LAT2: variants seen among roughly 807,000 people sequenced by gnomAD.
LAT2 encodes the protein linker for activation of T cells family member 2.
Under a neutral mutation model 43.4 loss-of-function variants are expected in LAT2, and 23 were observed. The observed-to-expected ratio is 0.53, with a 90% confidence interval of 0.38 to 0.75. The LOEUF (loss-of-function observed/expected upper bound fraction) is 0.75, where lower values mean the gene tolerates loss of function less well. Ranked by LOEUF, LAT2 falls within the 30% of genes least tolerant of loss-of-function variation. The pLI is 0.00. For missense variants in LAT2, 284 were observed against 310.2 expected, an observed-to-expected ratio of 0.92 and a Z score of 0.64; for synonymous variants, 128 against 123.2, an observed-to-expected ratio of 1.04 and a Z score of -0.26.
rs1328673890 is a variant in LAT2 at position 74,220,342 on chromosome 7, T to C, written c.265+88T>C. 6.8e-7 allele frequency: 1 copy of C among 1,468,690 alleles called. No individual in the cohort carries two copies. Among genetic ancestry groups the C allele is most frequent in the Non-Finnish European group, 9.4e-7 (1 of 1,067,338 alleles). 91.0% of individuals were successfully genotyped at this position (1,468,690 alleles called of 1,614,324 possible). On this transcript the variant is annotated intron_variant, in intron 7 of 13. Coordinates refer to ENST00000460943, the MANE Select transcript of LAT2 (RefSeq NM_032464.3). This position sits in a 1 kb window ranked among gnomAD's most constrained non-coding sequence, Gnocchi z 4.5. Reference sequence around the variant, plus strand: ...ACCCCATGGGACAGGCGTCGTGCAGTGGGGGCTGCGGGGCCAGGCGAGGCC... The same window carrying C: ...ACCCCATGGGACAGGCGTCGTGCAGCGGGGGCTGCGGGGCCAGGCGAGGCC...
rs1554716481 is a variant in LAT2 at position 74,228,998 on chromosome 7, G to T, written c.*73G>T. ...CATGGACCCATCGCTGCCTTCCAAG[G>T]ACCATTTCCCAGAGCTACTCAACTT... is the stretch of plus-strand genomic sequence containing the variant. On this transcript the variant is annotated 3_prime_UTR_variant, in exon 14 of 14. Coordinates refer to ENST00000460943, the MANE Select transcript of LAT2 (RefSeq NM_032464.3). The T allele has an allele frequency of 6.6e-6, 1 of 152,192 alleles. No homozygotes were observed. The highest frequency in any genetic ancestry group is 2.4e-5 in the African/African-American group (1 of 41,424). 9.4% of individuals were successfully genotyped at this position (152,192 alleles called of 1,614,324 possible).
chr7:74,216,208 C>A, intron 3 of LAT2, 139 bp downstream of exon 3: 1 of 661,798 alleles, frequency 1.5e-6, no homozygotes, highest in East Asian at 2.9e-5. Context: ...CCCTAAACTG[C>A]CCCCTGAAGA....
In LAT2 at chr7:74,220,081, G is replaced by T; in HGVS notation, c.227+73G>T. On this transcript the variant is annotated intron_variant, in intron 6 of 13. Coordinates refer to ENST00000460943, the MANE Select transcript of LAT2 (RefSeq NM_032464.3). This position sits in a 1 kb window ranked among gnomAD's most constrained non-coding sequence, Gnocchi z 4.5. ...TCCTCACCTGGTGAGCCCAGGTCAA[G>T]ACCTCCCTCCCTCCCCGAGTCCCAG... 1 of 1,581,912 alleles carries T rather than the reference G, an allele frequency of 6.3e-7. No individual in the cohort carries two copies. The highest frequency in any genetic ancestry group is 1.1e-5 in the South Asian group (1 of 88,732).
At position 74,229,405 on chromosome 7, in the gene LAT2, T is replaced by A. The variant is rs1158015847; in HGVS notation, c.*480T>A. 6.5e-6 allele frequency: 1 copy of A among 152,698 alleles called. No homozygotes were observed. Among genetic ancestry groups the A allele is most frequent in the African/African-American group, 2.4e-5 (1 of 41,466 alleles). 9.5% of individuals were successfully genotyped at this position (152,698 alleles called of 1,614,324 possible). On this transcript the variant is annotated 3_prime_UTR_variant, in exon 14 of 14. Transcript: ENST00000460943. The stretch of plus-strand genomic sequence containing the variant: ...GGAGCCATATTTAACATTCTGGATT[T>A]CAGAGTAGAGATTTCTGTGTTGTCT...
At chr7:74,214,075 T>TATATATATATGAAAAAATATATATAA (rs1563966486) in intron 1 of LAT2, among the ~76,000 whole-genome samples, 2 of 124,640 alleles carry the variant, frequency 1.6e-5, no homozygotes, top group African/African-American at 3.4e-5. Flanking sequence ...TATATATAAA[T>TATATATATATGAAAAAATATATATAA]ATATATATAT....
intron 9 of LAT2, among the ~76,000 whole-genome samples, chr7:74,221,368 T>A (rs1359530607): frequency 7.8e-6 from 1 of 128,806 alleles, no homozygotes; most frequent in Non-Finnish European, 1.5e-5. Flanking sequence ...TGAGCCGAGA[T>A]CATGCCACTG....
chr7:74,228,328 T>C (rs186896459), intron 13 of LAT2, among the ~76,000 whole-genome samples: 1,800 of 133,172 alleles, frequency 0.014, 19 homozygotes, highest in South Asian at 0.031. Context: ...TACAAAAAAT[T>C]AGCCGGGCAT....
Position 74,224,091 on chromosome 7 carries a change from C to G in LAT2, c.522C>G (p.Pro174=). The change falls in exon 12 of 14, where the codon CCC becomes CCG. Residue 174 remains proline (P), a synonymous_variant. Transcript: ENST00000460943. ...LSLSLALKTG[P]TSGLCPSASP... Reference sequence around the variant, plus strand: ...TGTCACTGGCCCTGAAGACTGGCCCCACTTCTGGTCTCTGTCCCTCTGCCT... The same window carrying G: ...TGTCACTGGCCCTGAAGACTGGCCCGACTTCTGGTCTCTGTCCCTCTGCCT... 1 of 1,614,156 alleles carries G rather than the reference C, an allele frequency of 6.2e-7. No homozygotes were observed. Among genetic ancestry groups the G allele is most frequent in the Non-Finnish European group, 8.5e-7 (1 of 1,180,006 alleles).
intron 13 of LAT2, 174 bp downstream of exon 13, chr7:74,224,934 T>G (rs950623269): frequency 2.7e-5 from 14 of 523,042 alleles, no homozygotes; most frequent in African/African-American, 1.2e-4. Context: ...GTTCCTCTGT[T>G]CTGGCCAGGG....
intron 1 of LAT2, among the ~76,000 whole-genome samples, chr7:74,214,349 AATAT>A (rs368256698): frequency 3.6e-5 from 2 of 55,046 alleles, no homozygotes; most frequent in East Asian, 5.9e-4. Flanking sequence ...TATATATGAA[AATAT>A]ATATATAAAT....
chr7:74,224,018 G>A lies in LAT2; in HGVS notation c.449G>A (p.Gly150Asp), dbSNP rs768115538. The stretch of plus-strand genomic sequence containing the variant: ...GGGGGCCTATTCTCCCTCTCTGCAG[G>A]TGCCCAGCAGGAGGGCATAGGTGGC... ...LICKQKTTET[G>D]AQQEGIGGLC... is the part of the protein sequence containing the mutation. Residue 150 changes from glycine (G) to aspartate (D), a missense_variant and splice_region_variant, in exon 12 of 14, where the codon GGT (glycine) becomes GAT (aspartate). Transcript: ENST00000460943. 1.9e-6 allele frequency: 3 copies of A among 1,613,532 alleles called. No homozygotes were observed. Among genetic ancestry groups the A allele is most frequent in the Non-Finnish European group, 1.7e-6 (2 of 1,179,788 alleles).
At chr7:74,214,470 A>G (rs1357526700) in intron 1 of LAT2, among the ~76,000 whole-genome samples, 2 of 53,704 alleles carry the variant, frequency 3.7e-5, no homozygotes, top group Middle Eastern at 0.019. Flanking sequence ...ATATATATAT[A>G]AATATATATA....
In LAT2 at chr7:74,220,148, G is replaced by C. The variant is rs1802208404; in HGVS notation, c.228-69G>C. The C allele has an allele frequency of 6.4e-7, 1 of 1,568,126 alleles. No homozygotes were observed. The highest frequency in any genetic ancestry group is 1.4e-5 in the African/African-American group (1 of 74,008). ...TATGAAGGCCCCACAAGGGGTATGG[G>C]GGGATGTGTCCTGGGGGGCCTCTCC... On this transcript the variant is annotated intron_variant, in intron 6 of 13. Transcript: ENST00000460943. The surrounding 1 kb of genome is among the most constrained non-coding windows in gnomAD (Gnocchi z 4.5).
At chr7:74,217,502 C>T (rs986190558) in intron 4 of LAT2, among the ~76,000 whole-genome samples, 2 of 152,152 alleles carry the variant, frequency 1.3e-5, no homozygotes, top group Non-Finnish European at 2.9e-5. Context: ...CTCCCTTTGA[C>T]CCCAATCCCC....
chr7:74,219,910 G>C, intron 5 of LAT2, 50 bp from the exon 6 acceptor site: 1 of 1,612,262 alleles, frequency 6.2e-7, no homozygotes, highest in Non-Finnish European at 8.5e-7. Flanking sequence ...GGGTGAGGGG[G>C]CTGGGCTAGC....
Position 74,220,660 on chromosome 7 carries a change from G to A in LAT2, c.301+41G>A, listed in dbSNP as rs1554715066. Reference sequence around the variant, plus strand: ...GAGAAAGGGGGAGGCCATGGTGGGGGCCACACCCAGGGGCTCAGGCCCAAT... The same window carrying A: ...GAGAAAGGGGGAGGCCATGGTGGGGACCACACCCAGGGGCTCAGGCCCAAT... On this transcript the variant is annotated intron_variant, in intron 8 of 13. Coordinates refer to ENST00000460943, the MANE Select transcript of LAT2 (RefSeq NM_032464.3). This position sits in a 1 kb window ranked among gnomAD's most constrained non-coding sequence, Gnocchi z 4.5. 1 of 1,613,764 alleles carries A rather than the reference G, an allele frequency of 6.2e-7. No individual in the cohort carries two copies. Among genetic ancestry groups the A allele is most frequent in the South Asian group, 1.1e-5 (1 of 91,082 alleles).
rs1563972925 is a variant in LAT2 at position 74,220,226 on chromosome 7, G to A, written c.237G>A (p.Lys79=). The change falls in exon 7 of 14, where the codon AAG becomes AAA. Residue 79 remains lysine, a synonymous_variant. Coordinates refer to ENST00000460943, the MANE Select transcript of LAT2 (RefSeq NM_032464.3). This position sits in a 1 kb window ranked among gnomAD's most constrained non-coding sequence, Gnocchi z 4.5. ...TTCCCCCTCCCTGCAGGAAGGACAA[G>A]CTGTTGCAATTCTACCCCAGCCTGG... ...LADMAPTRKD[K]LLQFYPSLED... is the part of the protein sequence containing the mutation. The A allele has an allele frequency of 6.2e-7, 1 of 1,611,144 alleles. No individual in the cohort carries two copies. The highest frequency in any genetic ancestry group is 2.2e-5 in the East Asian group (1 of 44,826).
intron 2 of LAT2, among the ~76,000 whole-genome samples, 183 bp from the exon 3 acceptor site, chr7:74,215,764 T>C (rs1438394921): frequency 6.6e-6 from 1 of 151,454 alleles, no homozygotes; most frequent in East Asian, 1.9e-4. Flanking sequence ...AGGGCAGAGG[T>C]GTTGGTTTGG....
chr7:74,227,020 G>A (rs1263659696), intron 13 of LAT2, among the ~76,000 whole-genome samples: 4 of 151,036 alleles, frequency 2.6e-5, no homozygotes, highest in African/African-American at 9.8e-5. Context: ...TGCATGAGAT[G>A]GGAGGGAGGG....
Sources: allele counts gnomAD v4.1 joint callset (sites outside exome capture counted in the v4.1 genomes callset), GRCh38; gene constraint gnomAD v4.1.1; non-coding constraint Gnocchi (gnomAD v3.1); transcripts MANE v1.5; gene names NCBI Gene and HGNC (gene_info 2026-07-23, HGNC 2026-07-21).